DPYD: variants seen among roughly 807,000 people sequenced by gnomAD.
DPYD encodes the protein dihydropyrimidine dehydrogenase.
In DPYD, 109 loss-of-function variants were observed where a neutral mutation model predicts 116.2. The ratio of observed to expected loss-of-function variants is 0.94; its 90% CI spans 0.80 to 1.10. DPYD has a LOEUF of 1.10. Ranked by LOEUF, DPYD falls within the 50% of genes least tolerant of loss-of-function variation. DPYD has a pLI of 0.00. For missense variants in DPYD, 1,302 were observed against 1,254.5 expected, an observed-to-expected ratio of 1.04 and a Z score of -0.57; for synonymous variants, 440 against 432.0, an observed-to-expected ratio of 1.02 and a Z score of -0.23.
At chr1:97,765,412 G>C (rs76629925) in intron 3 of DPYD, among the ~76,000 whole-genome samples, 1 of 152,178 alleles carries the variant, frequency 6.6e-6, no homozygotes, top group Non-Finnish European at 1.5e-5. Context: ...GATCACTGGA[G>C]CTATTCAGGT....
At chr1:97,619,728 C>T (rs1656516809) in intron 8 of DPYD, among the ~76,000 whole-genome samples, 2 of 152,062 alleles carry the variant, frequency 1.3e-5, no homozygotes, top group African/African-American at 2.4e-5. Context: ...TTTACCATTA[C>T]ACAAACTATC....
intron 19 of DPYD, among the ~76,000 whole-genome samples, chr1:97,214,668 G>A (rs1290872160): frequency 1.3e-5 from 2 of 152,154 alleles, no homozygotes; most frequent in African/African-American, 4.8e-5. Flanking sequence ...GAAGGCAGAA[G>A]GGAATAGAAG....
At chr1:97,751,474 A>G (rs1299720655) in intron 3 of DPYD, among the ~76,000 whole-genome samples, 19 of 116,984 alleles carry the variant, frequency 1.6e-4, no homozygotes, top group East Asian at 5.3e-4. Context: ...ATATATATAT[A>G]TATATATATA....
intron 6 of DPYD, among the ~76,000 whole-genome samples, chr1:97,695,566 A>G (rs1358958641): frequency 1.3e-5 from 2 of 151,462 alleles, no homozygotes. Flanking sequence ...AGCCAGAAAT[A>G]ATGACCAGCA....
chr1:97,860,524 C>A (rs1312055590), intron 2 of DPYD, among the ~76,000 whole-genome samples: 1 of 152,010 alleles, frequency 6.6e-6, no homozygotes, highest in African/African-American at 2.4e-5. Context: ...GAGAATTATG[C>A]ACAAAGTAAA....
At chr1:97,243,968 G>A (rs1662546798) in intron 18 of DPYD, among the ~76,000 whole-genome samples, 1 of 151,894 alleles carries the variant, frequency 6.6e-6, no homozygotes, top group African/African-American at 2.4e-5. Flanking sequence ...AGTGAAATTT[G>A]TTTTAGAACC....
intron 20 of DPYD, among the ~76,000 whole-genome samples, chr1:97,144,137 G>C: frequency 6.6e-6 from 1 of 152,196 alleles, no homozygotes; most frequent in East Asian, 1.9e-4. Context: ...TAAGACATTT[G>C]CTGATTCAAG....
In DPYD at chr1:97,155,214, G is replaced by C. The variant is rs146373412; in HGVS notation, c.2622+37855C>G. The stretch of plus-strand genomic sequence containing the variant: ...TATTCAGGACATATTTTTTCTATTT[G>C]ATTTCACTACTATACTTCAAATTTC... On this transcript the variant is annotated intron_variant, in intron 20 of 22. Transcript: ENST00000370192. Among the ~76,000 whole-genome samples, 542 of 152,200 alleles carry C rather than the reference G, an allele frequency of 3.6e-3. 9 individuals carry two copies. The highest frequency in any genetic ancestry group is 0.012 in the African/African-American group (517 of 41,556).
chr1:97,442,406 T>C (rs940579824), intron 14 of DPYD, among the ~76,000 whole-genome samples: 5 of 150,910 alleles, frequency 3.3e-5, no homozygotes, highest in African/African-American at 1.2e-4. Context: ...GAATGTCCTA[T>C]GTCAAGAAAA....
At chr1:97,491,452 A>T (rs946968795) in intron 13 of DPYD, among the ~76,000 whole-genome samples, 6 of 151,940 alleles carry the variant, frequency 3.9e-5, no homozygotes, top group African/African-American at 1.4e-4. Flanking sequence ...ATACTACGTA[A>T]CCATGAGGGC....
intron 18 of DPYD, among the ~76,000 whole-genome samples, chr1:97,240,614 T>C (rs191067095): frequency 1.0e-3 from 154 of 152,148 alleles, no homozygotes; most frequent in African/African-American, 3.6e-3. Context: ...GTAGTTTTAA[T>C]TTGCTTACAT....
intron 20 of DPYD, among the ~76,000 whole-genome samples, chr1:97,137,354 A>G (rs1332065549): frequency 2.0e-5 from 3 of 152,208 alleles, no homozygotes; most frequent in Non-Finnish European, 4.4e-5. Flanking sequence ...GTTAAATTTT[A>G]AATCCCTGTA....
chr1:97,349,959 A>AAT (rs55950312), intron 16 of DPYD, among the ~76,000 whole-genome samples: 3 of 151,638 alleles, frequency 2.0e-5, no homozygotes, highest in African/African-American at 7.2e-5. Context: ...AAAAAAAAAA[A>AAT]TGCTGCAGAT....
At chr1:97,658,450 G>T (rs890459795) in intron 8 of DPYD, among the ~76,000 whole-genome samples, 4 of 151,994 alleles carry the variant, frequency 2.6e-5, no homozygotes, top group African/African-American at 4.8e-5. Context: ...ATACAACATT[G>T]AAAACACTAA....
Position 97,758,078 on chromosome 1 carries a change from A to G in DPYD, c.234-17599T>C, listed in dbSNP as rs72734027. On this transcript the variant is annotated intron_variant, in intron 3 of 22. Transcript: ENST00000370192. ...AGTCATAGGGCAATCAAAGATACCT[A>G]TAAATAAACTCTTGAGGGAAGACAA... is the stretch of plus-strand genomic sequence containing the variant. Among the ~76,000 whole-genome samples, 6 of 152,318 alleles carry G rather than the reference A, an allele frequency of 3.9e-5. No homozygotes were observed. The Middle Eastern group carries it at 0.01, about 259-fold the overall frequency.
At chr1:97,506,708 C>T (rs1441457499) in intron 13 of DPYD, among the ~76,000 whole-genome samples, 1 of 151,934 alleles carries the variant, frequency 6.6e-6, no homozygotes, top group Non-Finnish European at 1.5e-5. Context: ...TGTGAAATCA[C>T]AGCCTGAAAT....
At chr1:97,441,746 A>G (rs1675809113) in intron 14 of DPYD, among the ~76,000 whole-genome samples, 1 of 152,054 alleles carries the variant, frequency 6.6e-6, no homozygotes, top group Non-Finnish European at 1.5e-5. Context: ...TGAATGCTGG[A>G]TATTGTGAAT....
intron 16 of DPYD, among the ~76,000 whole-genome samples, chr1:97,335,018 TAA>T (rs1206649090): frequency 6.6e-6 from 1 of 152,104 alleles, no homozygotes; most frequent in Non-Finnish European, 1.5e-5. Flanking sequence ...AGTAGGTTTT[TAA>T]AAAACGACAG....
intron 8 of DPYD, among the ~76,000 whole-genome samples, chr1:97,604,182 A>G (rs1362105707): frequency 2.0e-5 from 3 of 152,170 alleles, no homozygotes; most frequent in African/African-American, 7.2e-5. Flanking sequence ...TGCTCAGTTC[A>G]GAAGGATAAG....
Sources: gnomAD v4.1 joint callset for allele counts (sites outside exome capture counted in the v4.1 genomes callset) on GRCh38, gnomAD v4.1.1 for gene constraint, MANE v1.5 for transcripts, NCBI Gene and HGNC (gene_info 2026-07-23, HGNC 2026-07-21) for gene names.